SNTG1: variants seen among roughly 807,000 people sequenced by gnomAD.
SNTG1 encodes the protein gamma-1-syntrophin.
Under a neutral mutation model 74.7 loss-of-function variants are expected in SNTG1, and 39 were observed. That is an observed-to-expected ratio of 0.52 (90% confidence interval 0.40 to 0.68). The LOEUF (loss-of-function observed/expected upper bound fraction) is 0.68, where lower values mean the gene tolerates loss of function less well. Among genes scored for constraint, SNTG1 ranks in the 30% least tolerant of loss-of-function variants. The pLI is 0.00. For missense variants in SNTG1, 685 were observed against 609.5 expected (o/e 1.12, Z -1.30); for synonymous variants, 254 against 217.1 (o/e 1.17, Z -1.49).
At chr8:50,041,101 G>A (rs1234333728) in intron 1 of SNTG1, among the ~76,000 whole-genome samples, 1 of 152,076 alleles carries the variant, frequency 6.6e-6, no homozygotes, top group African/African-American at 2.4e-5. Context: ...TCTCCATGTT[G>A]CCCAGTCTGG....
intron 1 of SNTG1, among the ~76,000 whole-genome samples, chr8:50,167,477 G>T (rs192129634): frequency 6.6e-6 from 1 of 151,420 alleles, no homozygotes; most frequent in Non-Finnish European, 1.5e-5. Context: ...TCTCTGGACC[G>T]TGATTATATG....
chr8:50,375,857 G>A (rs181836169), intron 2 of SNTG1, among the ~76,000 whole-genome samples: 7 of 152,298 alleles, frequency 4.6e-5, no homozygotes, highest in Non-Finnish European at 7.3e-5. Context: ...TCTGCAAGGG[G>A]AGACTTTGAG....
chr8:50,295,326 C>T (rs2089311409), intron 2 of SNTG1, among the ~76,000 whole-genome samples: 1 of 152,164 alleles, frequency 6.6e-6, no homozygotes, highest in African/African-American at 2.4e-5. Context: ...CAAACTCCAT[C>T]ATCTCAAACA....
chr8:50,745,950 G>A (rs2095554184), intron 17 of SNTG1, among the ~76,000 whole-genome samples: 1 of 151,778 alleles, frequency 6.6e-6, no homozygotes. Context: ...ATGGCTAGTG[G>A]TAATGATTAC....
At chr8:50,125,833 G>T (rs1325210028) in intron 1 of SNTG1, among the ~76,000 whole-genome samples, 1 of 152,186 alleles carries the variant, frequency 6.6e-6, no homozygotes, top group Non-Finnish European at 1.5e-5. Flanking sequence ...CGTATGGCAT[G>T]CTATGTGCCC....
At chr8:50,296,992 T>G (rs2089413483) in intron 2 of SNTG1, among the ~76,000 whole-genome samples, 1 of 152,144 alleles carries the variant, frequency 6.6e-6, no homozygotes, top group Admixed American at 6.6e-5. Flanking sequence ...TTCTTAAAAA[T>G]GGGGTCCACC....
chr8:50,655,377 C>T (rs1255911180), intron 13 of SNTG1, among the ~76,000 whole-genome samples: 1 of 152,074 alleles, frequency 6.6e-6, no homozygotes, highest in Non-Finnish European at 1.5e-5. Flanking sequence ...ATAAGCAATA[C>T]AAAATAATCA....
chr8:50,645,608 A>C (rs1034750283), intron 13 of SNTG1, among the ~76,000 whole-genome samples: 2 of 152,146 alleles, frequency 1.3e-5, no homozygotes, highest in African/African-American at 4.8e-5. Flanking sequence ...CTCCAGAGAG[A>C]ATTTACTTTT....
At chr8:50,531,598 T>A (rs1027826234) in intron 10 of SNTG1, among the ~76,000 whole-genome samples, 23 of 152,318 alleles carry the variant, frequency 1.5e-4, no homozygotes, top group African/African-American at 5.5e-4. Context: ...GCTGGAGGTG[T>A]TGGCTGTGCC....
intron 2 of SNTG1, among the ~76,000 whole-genome samples, chr8:50,351,554 G>A (rs2091661917): frequency 6.6e-6 from 1 of 152,136 alleles, no homozygotes; most frequent in African/African-American, 2.4e-5. Context: ...CATTCATTGA[G>A]ATGTTCTTGA....
chr8:50,663,901 A>C (rs2095237847), intron 15 of SNTG1, among the ~76,000 whole-genome samples: 1 of 152,120 alleles, frequency 6.6e-6, no homozygotes, highest in African/African-American at 2.4e-5. Flanking sequence ...CTCTTATCTA[A>C]TACTAAGCCT....
chr8:50,522,543 G>A (rs896260586), intron 9 of SNTG1, among the ~76,000 whole-genome samples: 32 of 150,998 alleles, frequency 2.1e-4, no homozygotes, highest in Non-Finnish European at 3.5e-4. Context: ...ACAAGAGTTC[G>A]CTGAAGCTTG....
intron 1 of SNTG1, among the ~76,000 whole-genome samples, chr8:50,043,691 A>T (rs1217925909): frequency 1.3e-5 from 2 of 152,212 alleles, no homozygotes; most frequent in Admixed American, 1.3e-4. Flanking sequence ...CAGCTTTAAC[A>T]GTAAAATTAA....
intron 1 of SNTG1, among the ~76,000 whole-genome samples, chr8:49,993,338 T>A (rs1161678905): frequency 1.4e-5 from 2 of 148,098 alleles, no homozygotes; most frequent in Non-Finnish European, 3.0e-5. Flanking sequence ...TATTTAAAAA[T>A]TTTTCTTCCT....
intron 12 of SNTG1, among the ~76,000 whole-genome samples, chr8:50,572,273 T>G (rs568828589): frequency 4.0e-3 from 591 of 146,360 alleles, no homozygotes; most frequent in African/African-American, 5.3e-3. Flanking sequence ...TATATATATA[T>G]ATAGAGAGAG....
intron 1 of SNTG1, among the ~76,000 whole-genome samples, chr8:50,114,558 A>G (rs1160037846): frequency 6.6e-6 from 1 of 152,136 alleles, no homozygotes; most frequent in East Asian, 1.9e-4. Context: ...GCCAAAGGGT[A>G]TAAAGTTTCA....
intron 17 of SNTG1, among the ~76,000 whole-genome samples, chr8:50,743,116 AAT>A (rs1305741841): frequency 6.6e-6 from 1 of 150,982 alleles, no homozygotes; most frequent in Non-Finnish European, 1.5e-5. Context: ...AAAAAAAAAA[AAT>A]TGAAGGAGTG....
chr8:50,336,432 G>A (rs1253499687), intron 2 of SNTG1, among the ~76,000 whole-genome samples: 1 of 152,140 alleles, frequency 6.6e-6, no homozygotes, highest in East Asian at 1.9e-4. Flanking sequence ...AATTATCAGT[G>A]CCAATTGTTT....
At chr8:49,932,832 T>A (rs958431311) in intron 1 of SNTG1, among the ~76,000 whole-genome samples, 1 of 152,164 alleles carries the variant, frequency 6.6e-6, no homozygotes, top group African/African-American at 2.4e-5. Context: ...CTATGGACTT[T>A]CCTATTCTGG....
Sources: gnomAD v4.1 joint callset for allele counts (sites outside exome capture counted in the v4.1 genomes callset) on GRCh38, gnomAD v4.1.1 for gene constraint, MANE v1.5 for transcripts, NCBI Gene and HGNC (gene_info 2026-07-23, HGNC 2026-07-21) for gene names.